Variants in SLC25A47 observed in about 807,000 individuals in gnomAD.
SLC25A47 encodes HCC-down-regulated mitochondrial carrier protein.
A neutral mutation model predicts 29.8 loss-of-function variants in SLC25A47; 30 were observed. The ratio of observed to expected loss-of-function variants is 1.01; its 90% CI spans 0.75 to 1.36. The LOEUF is 1.36. Ranked by LOEUF, SLC25A47 falls within the 40% of genes most tolerant of loss-of-function variation. The pLI, the probability that SLC25A47 is intolerant of heterozygous loss-of-function variation, is 0.00. For missense variants in SLC25A47, 430 were observed against 441.9 expected (o/e 0.97, Z 0.24); for synonymous variants, 204 against 197.8 (o/e 1.03, Z -0.26).
At position 100,329,814 on chromosome 14, in the gene SLC25A47, A is replaced by G; in HGVS notation, c.*169A>G. The G allele has an allele frequency of 1.0e-6, 1 of 960,162 alleles. No homozygotes were observed. Among genetic ancestry groups the G allele is most frequent in the Non-Finnish European group, 1.5e-6 (1 of 664,186 alleles). The allele number at this position is 960,162 out of a possible 1,614,324, so 59.5% of individuals were successfully genotyped here. Reference sequence around the variant, plus strand: ...GCCGAGGCCTGAGCTCGCCCTGCCCAGCTACTGACCTCAGGTCGAGGGGCC... The same window carrying G: ...GCCGAGGCCTGAGCTCGCCCTGCCCGGCTACTGACCTCAGGTCGAGGGGCC... On this transcript the variant is annotated 3_prime_UTR_variant, in exon 6 of 6. Coordinates refer to ENST00000361529, the MANE Select transcript of SLC25A47 (RefSeq NM_207117.4).
intron 4 of SLC25A47, 128 bp downstream of exon 4, chr14:100,327,498 G>T: frequency 9.2e-7 from 1 of 1,081,946 alleles, no homozygotes; most frequent in Admixed American, 2.9e-5. Flanking sequence ...CATGGAGTCA[G>T]GGGCTGTGGG....
chr14:100,325,942 T>C, intron 2 of SLC25A47, 111 bp downstream of exon 2: 1 of 1,246,150 alleles, frequency 8.0e-7, no homozygotes, highest in Non-Finnish European at 1.1e-6. Flanking sequence ...CCAAATGCCT[T>C]CAATGGCTCC....
At chr14:100,325,268 C>G in intron 1 of SLC25A47, among the ~76,000 whole-genome samples, 1 of 152,218 alleles carries the variant, frequency 6.6e-6, no homozygotes, top group East Asian at 1.9e-4. Context: ...TGGCTCTTCA[C>G]GAACCCCGGT....
intron 3 of SLC25A47, among the ~76,000 whole-genome samples, 163 bp from the exon 4 acceptor site, chr14:100,327,025 C>A (rs547890109): frequency 5.3e-5 from 8 of 152,322 alleles, no homozygotes; most frequent in Admixed American, 6.5e-5. Flanking sequence ...TCAGGTCCCC[C>A]CTTGTGACCT....
chr14:100,324,536 C>G (rs8007596), intron 1 of SLC25A47, among the ~76,000 whole-genome samples: 17,322 of 152,214 alleles, frequency 0.11, 3,098 homozygotes, highest in African/African-American at 0.38. Flanking sequence ...CCATTAGCAG[C>G]CTTTCTCAGC....
rs531337781 is a variant in SLC25A47, at chr14:100,327,353, G to A, written c.310G>A (p.Ala104Thr). ...GGCCGACATCACGCTCTCGGGATGC[G>A]CCTCCGGCCTCGTCCGCGTGAGTAG... ...TKADITLSGC[A>T]SGLVRVFLTS... is the part of the protein sequence containing the mutation. The change falls in exon 4 of 6, where the codon GCC becomes ACC. Residue 104 changes from alanine to threonine, a missense_variant. Transcript: ENST00000361529. The A allele has an allele frequency of 3.1e-6, 5 of 1,597,178 alleles. No individual in the cohort carries two copies. The highest frequency in any genetic ancestry group is 3.4e-5 in the Admixed American group (2 of 59,668).
In SLC25A47 at chr14:100,323,389, C is replaced by G; in HGVS notation, c.-26C>G. The G allele has an allele frequency of 6.2e-7, 1 of 1,612,756 alleles. No homozygotes were observed. The highest frequency in any genetic ancestry group is 8.5e-7 in the Non-Finnish European group (1 of 1,179,726). ...CAAAGCCCTCTCAGGCAGGCAGACC[C>G]AGGGCCTCCCCGCCACACCTTGTTC... On this transcript the variant is annotated 5_prime_UTR_variant, in exon 1 of 6. Coordinates refer to ENST00000361529, the MANE Select transcript of SLC25A47 (RefSeq NM_207117.4).
At chr14:100,328,436 T>G (rs1306972278) in intron 4 of SLC25A47, among the ~76,000 whole-genome samples, 1 of 152,264 alleles carries the variant, frequency 6.6e-6, no homozygotes, top group Non-Finnish European at 1.5e-5. Context: ...TGCTGATATG[T>G]TACTAAATAC....
chr14:100,324,087 T>G (rs1287939672), intron 1 of SLC25A47, among the ~76,000 whole-genome samples: 1 of 152,018 alleles, frequency 6.6e-6, no homozygotes, highest in African/African-American at 2.4e-5. Flanking sequence ...CTGTTCTGAG[T>G]GGGCACTCCT....
rs1344769112 is a variant in SLC25A47, at chr14:100,325,651, C to T, written c.29-137C>T. 11 of 794,002 alleles carry T rather than the reference C, an allele frequency of 1.4e-5. No homozygotes were observed. The East Asian group carries it at 2.7e-4, about 19-fold the overall frequency. 49.2% of individuals were successfully genotyped at this position (794,002 alleles called of 1,614,324 possible). A position where few individuals can be genotyped will look rare whatever the true frequency, so the allele number is the denominator to read the frequency against. On this transcript the variant is annotated intron_variant, in intron 1 of 5. Transcript: ENST00000361529. ...CCCTCAGGATTGATGAGACCTGGTG[C>T]AGACCAGAAGGGCCAAATGTGGGTC... is the stretch of plus-strand genomic sequence containing the variant.
chr14:100,326,700 G>A (rs1282589624), intron 3 of SLC25A47, among the ~76,000 whole-genome samples: 3 of 152,240 alleles, frequency 2.0e-5, no homozygotes, highest in Admixed American at 1.3e-4. Context: ...CAGGCCAGGA[G>A]CGGTGGCTTA....
At chr14:100,325,477 C>T (rs1320929837) in intron 1 of SLC25A47, among the ~76,000 whole-genome samples, 5 of 152,316 alleles carry the variant, frequency 3.3e-5, no homozygotes, top group South Asian at 2.1e-4. Context: ...GCATGACGCC[C>T]GTGGGGAGGC....
chr14:100,325,952 C>A, intron 2 of SLC25A47, 121 bp downstream of exon 2: 1 of 1,157,360 alleles, frequency 8.6e-7, no homozygotes, highest in African/African-American at 1.5e-5. Context: ...TCAATGGCTC[C>A]CCATAGCCCC....
At chr14:100,327,989 T>C (rs1396353565) in intron 4 of SLC25A47, among the ~76,000 whole-genome samples, 1 of 152,120 alleles carries the variant, frequency 6.6e-6, no homozygotes, top group Non-Finnish European at 1.5e-5. Flanking sequence ...GGAGCTTCTG[T>C]CTCTCCATCT....
At chr14:100,326,971 G>A (rs562455268) in intron 3 of SLC25A47, among the ~76,000 whole-genome samples, 149 of 152,130 alleles carry the variant, frequency 9.8e-4, no homozygotes, top group African/African-American at 3.2e-3. Flanking sequence ...AAAGTTCATC[G>A]TCATCAAGCA....
At chr14:100,329,118 C>A in intron 5 of SLC25A47, 74 bp downstream of exon 5, 1 of 1,498,712 alleles carries the variant, frequency 6.7e-7, no homozygotes, top group Admixed American at 2.1e-5. Context: ...TCGTGCTGCC[C>A]GCCAGTACCC....
At chr14:100,325,490 G>GGGCATGTC (rs1893320579) in intron 1 of SLC25A47, among the ~76,000 whole-genome samples, 1 of 152,228 alleles carries the variant, frequency 6.6e-6, no homozygotes, top group South Asian at 2.1e-4. Context: ...GGGGAGGCCG[G>GGGCATGTC]GGCATGTCGG....
At position 100,323,384 on chromosome 14, in the gene SLC25A47, A is replaced by G. The variant is rs760095104; in HGVS notation, c.-31A>G. 4 of 1,612,460 alleles carry G rather than the reference A, an allele frequency of 2.5e-6. No homozygotes were observed. The Admixed American group carries it at 5.0e-5, about 20-fold the overall frequency. On this transcript the variant is annotated 5_prime_UTR_variant, in exon 1 of 6. Transcript: ENST00000361529. ...GGCACCAAAGCCCTCTCAGGCAGGC[A>G]GACCCAGGGCCTCCCCGCCACACCT...
Position 100,329,095 on chromosome 14 carries a change from G to A in SLC25A47, c.646+51G>A, listed in dbSNP as rs376267167. 3.7e-3 allele frequency: 5,765 copies of A among 1,571,820 alleles called. 15 individuals are homozygous for A. The highest frequency in any genetic ancestry group is 4.5e-3 in the Non-Finnish European group (5,196 of 1,166,944). ...GGCGGGGAGCCCAGAAGGATGAGGA[G>A]GTCAAGGTGAGGTCGTGCTGCCCGC... On this transcript the variant is annotated intron_variant, in intron 5 of 5. Transcript: ENST00000361529.
Sources: gnomAD v4.1 joint callset for allele counts (sites outside exome capture counted in the v4.1 genomes callset) on GRCh38, gnomAD v4.1.1 for gene constraint, MANE v1.5 for transcripts, NCBI Gene and HGNC (gene_info 2026-07-23, HGNC 2026-07-21) for gene names.